The following RYR1 variants were observed in gnomAD, a reference collection of about 807,000 sequenced individuals.
RYR1 encodes ryanodine receptor 1.
A neutral mutation model predicts 583.5 loss-of-function variants in RYR1; 342 were observed. The observed-to-expected ratio is 0.59, with a 90% CI of 0.54 to 0.64. The LOEUF is 0.64. RYR1 is among the 30% of genes least tolerant of loss of function. RYR1 has a pLI of 0.00. For missense variants in RYR1, 6,032 were observed against 6,917.2 expected, an observed-to-expected ratio of 0.87 and a Z score of 4.54; for synonymous variants, 2,791 against 2,822.5, an observed-to-expected ratio of 0.99 and a Z score of 0.35.
chr19:38,434,834 C>G (rs1470993436), intron 1 of RYR1, among the ~76,000 whole-genome samples: 1 of 152,192 alleles, frequency 6.6e-6, no homozygotes, highest in Non-Finnish European at 1.5e-5. Flanking sequence ...AGCCCCGCCC[C>G]TCCCCCCGGG....
Position 38,572,064 on chromosome 19 carries a change from G to C in RYR1, c.13792G>C (p.Ala4598Pro). Residue 4598 changes from alanine (A) to proline (P), a missense_variant, in exon 95 of 106, where the codon GCT becomes CCT. This residue lies in a region of RYR1 where 35 missense variants were observed against 66.0 expected (regional missense o/e 0.53). Transcript: ENST00000359596. ...PGEDDMEGSA[A>P]GDVSGAGSGG... The stretch of plus-strand genomic sequence containing the variant: ...GGAGGACGACATGGAAGGCTCAGCT[G>C]CTGGGGATGTGTCAGGTGCAGGCTC... The C allele has an allele frequency of 6.2e-7, 1 of 1,614,164 alleles. No homozygotes were observed. Among genetic ancestry groups the C allele is most frequent in the Non-Finnish European group, 8.5e-7 (1 of 1,180,032 alleles).
chr19:38,479,091 A>G (rs1225263139), intron 31 of RYR1, among the ~76,000 whole-genome samples: 2 of 152,136 alleles, frequency 1.3e-5, no homozygotes, highest in Non-Finnish European at 2.9e-5. Flanking sequence ...GACCTTGGAA[A>G]GAGGTTTCTG....
chr19:38,570,689 A>G lies in RYR1; in HGVS notation c.13742A>G (p.Tyr4581Cys). ...AFAINFILLF[Y>C]KVSDSPPGED... ...GCCATCAACTTCATCTTGCTGTTTT[A>G]TAAGGTGCTGGTCCTGAAGGGCTGG... The change falls in exon 94 of 106, where the codon TAT becomes TGT. Residue 4581 changes from tyrosine to cysteine, a missense_variant. Physicochemically the swap from Tyr to Cys is radical, Grantham distance 194. This residue lies in a region of RYR1 where 35 missense variants were observed against 66.0 expected (regional missense o/e 0.53). Transcript: ENST00000359596. 1 of 1,613,592 alleles carries G rather than the reference A, an allele frequency of 6.2e-7. No homozygotes were observed. Among genetic ancestry groups the G allele is most frequent in the Non-Finnish European group, 8.5e-7 (1 of 1,179,622 alleles).
chr19:38,483,996 C>T lies in RYR1; in HGVS notation c.4934+480C>T, dbSNP rs919756869. 1.6e-4 allele frequency among the ~76,000 whole-genome samples: 25 copies of T among 151,968 alleles called. No individual in the cohort carries two copies. Among genetic ancestry groups the T allele is most frequent in the Admixed American group, 1.2e-3 (19 of 15,256 alleles). Reference sequence around the variant, plus strand: ...GGGGACCCAGACACACCTAGGGCCACAGATGCGTTCACATGGATGGCAGGG... The same window carrying T: ...GGGGACCCAGACACACCTAGGGCCATAGATGCGTTCACATGGATGGCAGGG... On this transcript the variant is annotated intron_variant, in intron 33 of 105. Coordinates refer to ENST00000359596, the MANE Select transcript of RYR1 (RefSeq NM_000540.3). This position sits in a 1 kb window ranked among gnomAD's most constrained non-coding sequence, Gnocchi z 6.3.
Position 38,532,547 on chromosome 19 carries a change from G to C in RYR1, c.11193+6G>C. The C allele has an allele frequency of 6.2e-7, 1 of 1,614,172 alleles. No individual in the cohort carries two copies. Among genetic ancestry groups the C allele is most frequent in the Non-Finnish European group, 8.5e-7 (1 of 1,180,028 alleles). On this transcript the variant is annotated splice_donor_region_variant and intron_variant, in intron 77 of 105. Coordinates refer to ENST00000359596, the MANE Select transcript of RYR1 (RefSeq NM_000540.3). ...ATGCTGATATCATGGCAAAGGTGAG[G>C]CCCTACCCCCCTCTTCTGGGGCAGA... is the stretch of plus-strand genomic sequence containing the variant.
At position 38,455,493 on chromosome 19, in the gene RYR1, C is replaced by G; in HGVS notation, c.1619C>G (p.Ser540Cys). ...AATCGTAGCAACTGTGCCCTCTTCT[C>G]CACAAACTTGGACTGGCTGGTCAGC... ...RGNRSNCALF[S>C]TNLDWLVSKL... Residue 540 changes from serine to cysteine, a missense_variant, in exon 15 of 106, where the codon TCC (serine) becomes TGC (cysteine). Coordinates refer to ENST00000359596, the MANE Select transcript of RYR1 (RefSeq NM_000540.3). 5 of 1,614,182 alleles carry G rather than the reference C, an allele frequency of 3.1e-6. No homozygotes were observed. Among genetic ancestry groups the G allele is most frequent in the Non-Finnish European group, 4.2e-6 (5 of 1,180,024 alleles).
rs1220945724 is a variant in RYR1, at chr19:38,458,126, G to A, written c.2001G>A (p.Val667=). 4 of 1,614,060 alleles carry A rather than the reference G, an allele frequency of 2.5e-6. No individual in the cohort carries two copies. The highest frequency in any genetic ancestry group is 2.5e-6 in the Non-Finnish European group (3 of 1,180,032). ...QYSKWYFEVM[V]DEVTPFLTAQ... ...GCAAATGGTACTTTGAGGTGATGGTGGACGAGGTGACTCCATTTCTGACAG... is the reference window on the plus strand; with the variant it reads ...GCAAATGGTACTTTGAGGTGATGGTAGACGAGGTGACTCCATTTCTGACAG... Residue 667 remains valine (V), a synonymous_variant, in exon 18 of 106, where the codon GTG becomes GTA. Transcript: ENST00000359596.
At position 38,473,709 on chromosome 19, in the gene RYR1, G is replaced by A. The variant is rs1280534167; in HGVS notation, c.4098G>A (p.Glu1366=). The A allele has an allele frequency of 6.5e-7, 1 of 1,548,972 alleles. No homozygotes were observed. ...APGGTPQAGG[E]AQPARAENEK... Reference sequence around the variant, plus strand: ...GGGGCACCCCGCAGGCGGGGGGAGAGGCGCAGCCCGCCAGGGCGGAGAATG... The same window carrying A: ...GGGGCACCCCGCAGGCGGGGGGAGAAGCGCAGCCCGCCAGGGCGGAGAATG... The change falls in exon 28 of 106, where the codon GAG becomes GAA. Residue 1366 remains glutamate, a synonymous_variant. Transcript: ENST00000359596.
chr19:38,572,069 G>C lies in RYR1; in HGVS notation c.13797G>C (p.Gly4599=). ...GEDDMEGSAA[G]DVSGAGSGGS... ...ACGACATGGAAGGCTCAGCTGCTGGGGATGTGTCAGGTGCAGGCTCTGGTG... is the reference window on the plus strand; with the variant it reads ...ACGACATGGAAGGCTCAGCTGCTGGCGATGTGTCAGGTGCAGGCTCTGGTG... Residue 4599 remains glycine (G), a synonymous_variant, in exon 95 of 106, where the codon GGG becomes GGC. Coordinates refer to ENST00000359596, the MANE Select transcript of RYR1 (RefSeq NM_000540.3). 1 of 1,614,146 alleles carries C rather than the reference G, an allele frequency of 6.2e-7. No homozygotes were observed. The highest frequency in any genetic ancestry group is 1.3e-5 in the African/African-American group (1 of 75,048).
chr19:38,455,305 A>T lies in RYR1; in HGVS notation c.1511A>T (p.Glu504Val). 6.2e-7 allele frequency: 1 copy of T among 1,613,982 alleles called. No homozygotes were observed. Among genetic ancestry groups the T allele is most frequent in the Non-Finnish European group, 8.5e-7 (1 of 1,179,988 alleles). ...TACACCACTGCTGCCCACTTTGCTG[A>T]GTTTGCAGGGGAGGAGGCAGCCGAG... ...NVYTTAAHFA[E>V]FAGEEAAESW... Residue 504 changes from glutamate (E) to valine (V), a missense_variant, in exon 14 of 106, where the codon GAG (glutamate) becomes GTG (valine). Glu to Val is a moderately radical substitution (Grantham distance 121). Around this residue, in one of 11 missense-constraint regions of RYR1, gnomAD observed 2,627 missense variants for 2,961.3 expected, o/e 0.89. Coordinates refer to ENST00000359596, the MANE Select transcript of RYR1 (RefSeq NM_000540.3).
At chr19:38,437,041 ATTTTTTTTTTCTTTTTCTT>A in intron 1 of RYR1, among the ~76,000 whole-genome samples, 1 of 144,082 alleles carries the variant, frequency 6.9e-6, no homozygotes, top group African/African-American at 2.6e-5. Context: ...CGCTTCCTTC[ATTTTTTTTTTCTTTTTCTT>A]TTTTTTTTAA....
At chr19:38,556,563 A>G (rs781189598) in intron 89 of RYR1, among the ~76,000 whole-genome samples, 2 of 151,718 alleles carry the variant, frequency 1.3e-5, no homozygotes, top group Middle Eastern at 3.4e-3. Flanking sequence ...AATCCTGTTT[A>G]TTTATTTATA....
rs1322125812 is a variant in RYR1 at position 38,576,732 on chromosome 19, A to G, written c.14172+771A>G. Among the ~76,000 whole-genome samples, 5 of 151,922 alleles carry G rather than the reference A, an allele frequency of 3.3e-5. No homozygotes were observed. The East Asian group carries it at 7.8e-4, about 24-fold the overall frequency. On this transcript the variant is annotated intron_variant, in intron 97 of 105. Coordinates refer to ENST00000359596, the MANE Select transcript of RYR1 (RefSeq NM_000540.3). ...GGAGAATCACTTGAACCCGGGCGGC[A>G]GAGGCTGCAGTGAGCCGAGATCGCG... is the stretch of plus-strand genomic sequence containing the variant.
intron 22 of RYR1, 147 bp downstream of exon 22, chr19:38,463,997 C>A: frequency 1.4e-6 from 1 of 706,954 alleles, no homozygotes; most frequent in Non-Finnish European, 2.5e-6. Context: ...TGGGGAGTGG[C>A]CGGGCACGGT....
rs1324161060 is a variant in RYR1, at chr19:38,499,889, C to G, written c.7215-19C>G. The G allele has an allele frequency of 2.5e-6, 4 of 1,613,634 alleles. No homozygotes were observed. In the African/African-American group the frequency reaches 5.3e-5, roughly 22 times the overall value. ...CCTGGCCCCTGGCTGCCTCCCCAAC[C>G]CACCCACCTTCCCTGCAGCTTTGGT... On this transcript the variant is annotated intron_variant, in intron 44 of 105. Transcript: ENST00000359596. This position sits in a 1 kb window ranked among gnomAD's most constrained non-coding sequence, Gnocchi z 7.3.
rs1968541295 is a variant in RYR1, at chr19:38,473,495, A to T, written c.3884A>T (p.Gln1295Leu). 6.2e-7 allele frequency: 1 copy of T among 1,613,598 alleles called. No individual in the cohort carries two copies. Among genetic ancestry groups the T allele is most frequent in the Non-Finnish European group, 8.5e-7 (1 of 1,179,880 alleles). The change falls in exon 28 of 106, where the codon CAG becomes CTG. Residue 1295 changes from glutamine (Q) to leucine (L), a missense_variant. By Grantham distance (113) the Gln-to-Leu change is moderately radical. Transcript: ENST00000359596. ...TTCCTGCGGCTGAGCCTCCCAGTCC[A>T]GTTCCACCAGCACTTCCGCTGCACT... ...MLFLRLSLPV[Q>L]FHQHFRCTAG...
chr19:38,585,160 C>T, intron 102 of RYR1, 61 bp downstream of exon 102: 1 of 1,581,030 alleles, frequency 6.3e-7, no homozygotes, highest in Non-Finnish European at 8.6e-7. Context: ...GCTAAGAATG[C>T]AGGCCCAGGA....
chr19:38,500,988 A>G lies in RYR1; in HGVS notation c.7612A>G (p.Thr2538Ala). 1.9e-6 allele frequency: 3 copies of G among 1,613,056 alleles called. No homozygotes were observed. The highest frequency in any genetic ancestry group is 1.7e-4 in the Middle Eastern group (1 of 6,038). ...PDMRAAASLDTATFSTTEMAL... is the reference protein window; with the variant it reads ...PDMRAAASLDAATFSTTEMAL... ...CATGAGGGCAGCCGCCTCGCTGGAC[A>G]CGGTGAGCAACCCTGCCCAGCCTGG... is the stretch of plus-strand genomic sequence containing the variant. The change falls in exon 47 of 106, where the codon ACG (threonine) becomes GCG (alanine). Residue 2538 changes from threonine (T) to alanine (A), a missense_variant and splice_region_variant. Thr to Ala is a moderately conservative substitution (Grantham distance 58). This residue lies in a region of RYR1 where 250 missense variants were observed against 162.3 expected (regional missense o/e 1.54). Transcript: ENST00000359596. The surrounding 1 kb of genome is among the most constrained non-coding windows in gnomAD (Gnocchi z 5.9).
intron 25 of RYR1, 34 bp downstream of exon 25, chr19:38,467,846 C>T (rs549378125): frequency 6.2e-7 from 1 of 1,602,738 alleles, no homozygotes; most frequent in Non-Finnish European, 8.5e-7. Context: ...TCTGCCAGGT[C>T]CTGTGGTCTC....
Sources: gnomAD v4.1 joint callset for allele counts (sites outside exome capture counted in the v4.1 genomes callset) on GRCh38, gnomAD v4.1.1 for gene constraint, gnomAD v4.1.1 regional missense constraint, Gnocchi (gnomAD v3.1) non-coding constraint, MANE v1.5 for transcripts, NCBI Gene and HGNC (gene_info 2026-07-23, HGNC 2026-07-21) for gene names.